Variants in ANKRD44 observed in about 807,000 individuals in gnomAD.
The protein encoded by ANKRD44 is serine/threonine-protein phosphatase 6 regulatory ankyrin repeat subunit B.
Under a neutral mutation model 116.0 loss-of-function variants are expected in ANKRD44, and 35 were observed. That is an observed-to-expected ratio of 0.30 (90% CI 0.23 to 0.40). The LOEUF (loss-of-function observed/expected upper bound fraction) is 0.40. Ranked by LOEUF, ANKRD44 falls within the 10% of genes least tolerant of loss-of-function variation. The pLI is 1.00. For synonymous variants in ANKRD44, 435 were observed against 461.8 expected (o/e 0.94, Z 0.74); for missense variants, 1,014 against 1,242.6 (o/e 0.82, Z 2.77).
intron 6 of ANKRD44, 77 bp downstream of exon 6, chr2:197,125,304 T>C: frequency 7.5e-7 from 1 of 1,335,636 alleles, no homozygotes. Flanking sequence ...GGAGAAAACC[T>C]ACATGGTCAA....
chr2:197,178,333 T>G (rs1192856214), intron 2 of ANKRD44, among the ~76,000 whole-genome samples: 1 of 152,028 alleles, frequency 6.6e-6, no homozygotes, highest in African/African-American at 2.4e-5. Context: ...TAGCAGGGCA[T>G]GGTGGCACAC....
At chr2:197,293,476 A>T (rs1398875622) in intron 1 of ANKRD44, among the ~76,000 whole-genome samples, 1 of 152,252 alleles carries the variant, frequency 6.6e-6, no homozygotes, top group Non-Finnish European at 1.5e-5. Flanking sequence ...GGAAAATGAA[A>T]GAGTTCATTA....
At chr2:196,968,744 G>A (rs2075693460) in intron 21 of ANKRD44, among the ~76,000 whole-genome samples, 1 of 152,104 alleles carries the variant, frequency 6.6e-6, no homozygotes, top group Non-Finnish European at 1.5e-5. Flanking sequence ...TTAAGCCTTT[G>A]CCTTGTCTTT....
At chr2:197,052,660 G>T (rs1260264527) in intron 16 of ANKRD44, among the ~76,000 whole-genome samples, 5 of 152,096 alleles carry the variant, frequency 3.3e-5, no homozygotes. Flanking sequence ...AATAATACGG[G>T]AAGTAAAGAC....
intron 16 of ANKRD44, among the ~76,000 whole-genome samples, chr2:197,060,976 C>G (rs1037857693): frequency 6.6e-6 from 1 of 152,196 alleles, no homozygotes; most frequent in African/African-American, 2.4e-5. Flanking sequence ...GTGAATAGTG[C>G]TGCAGTGAAC....
rs1370634599 is a variant in ANKRD44 at position 197,310,618 on chromosome 2, C to A, written c.-14G>T. The stretch of plus-strand genomic sequence containing the variant: ...GAGCACTGCCATTCTTCCGCTCCTT[C>A]GCGCGCACACACATGCAGGTCCCCG... On this transcript the variant is annotated 5_prime_UTR_variant, in exon 1 of 28. Coordinates refer to ENST00000282272, the MANE Select transcript of ANKRD44 (RefSeq NM_001195144.2). 7.5e-7 allele frequency: 1 copy of A among 1,331,926 alleles called. No homozygotes were observed. Among genetic ancestry groups the A allele is most frequent in the Non-Finnish European group, 9.8e-7 (1 of 1,017,234 alleles). 82.5% of individuals were successfully genotyped at this position (1,331,926 alleles called of 1,614,324 possible). A position where few individuals can be genotyped will look rare whatever the true frequency, so the allele number is the denominator to read the frequency against.
chr2:197,096,736 T>A (rs1214724853), intron 10 of ANKRD44, among the ~76,000 whole-genome samples: 1 of 152,224 alleles, frequency 6.6e-6, no homozygotes, highest in East Asian at 1.9e-4. Context: ...CCTATTTTTC[T>A]CCTCTTTAAT....
intron 15 of ANKRD44, among the ~76,000 whole-genome samples, chr2:197,079,037 C>A (rs1243962241): frequency 6.7e-6 from 1 of 150,300 alleles, no homozygotes; most frequent in African/African-American, 2.4e-5. Context: ...CTTAATATAG[C>A]CATTCTAGAA....
intron 1 of ANKRD44, among the ~76,000 whole-genome samples, chr2:197,286,847 C>T (rs1397980442): frequency 6.6e-6 from 1 of 151,996 alleles, no homozygotes; most frequent in Non-Finnish European, 1.5e-5. Context: ...CTGCTAGATC[C>T]CTTTTTAAAA....
intron 4 of ANKRD44, among the ~76,000 whole-genome samples, chr2:197,131,846 G>A (rs536388004): frequency 2.0e-5 from 3 of 152,238 alleles, no homozygotes; most frequent in South Asian, 2.1e-4. Context: ...TTCCATAAAC[G>A]TGCGTTAGAC....
intron 25 of ANKRD44, among the ~76,000 whole-genome samples, chr2:196,997,849 A>T (rs1404622580): frequency 3.3e-5 from 5 of 151,870 alleles, no homozygotes; most frequent in African/African-American, 1.2e-4. Context: ...TGTACACCAG[A>T]AAAAAGGGGG....
intron 27 of ANKRD44, 61 bp downstream of exon 27, chr2:196,993,522 C>G: frequency 7.4e-7 from 1 of 1,352,450 alleles, no homozygotes; most frequent in Non-Finnish European, 1.0e-6. Context: ...TTTCTCATTT[C>G]CTCTGGCTTC....
chr2:197,099,047 C>T (rs2078229786), intron 10 of ANKRD44, among the ~76,000 whole-genome samples: 1 of 152,070 alleles, frequency 6.6e-6, no homozygotes, highest in Non-Finnish European at 1.5e-5. Context: ...ATGGTTGCCA[C>T]CCTCTGCTGT....
chr2:197,062,776 C>T (rs778334541), intron 16 of ANKRD44, among the ~76,000 whole-genome samples: 22 of 152,214 alleles, frequency 1.4e-4, no homozygotes, highest in African/African-American at 4.3e-4. Context: ...GGGGGAGGGG[C>T]GCCTGCCATT....
intron 1 of ANKRD44, among the ~76,000 whole-genome samples, chr2:197,278,101 A>G (rs748130454): frequency 2.6e-4 from 40 of 152,072 alleles, no homozygotes; most frequent in Non-Finnish European, 5.6e-4. Flanking sequence ...CAAATTAGCT[A>G]ATAGTGAGTG....
chr2:197,205,393 G>A lies in ANKRD44; in HGVS notation c.28-18287C>T, dbSNP rs1253149552. 2.0e-5 allele frequency among the ~76,000 whole-genome samples: 3 copies of A among 152,292 alleles called. No homozygotes were observed. In the South Asian group the frequency reaches 6.2e-4, roughly 32 times the overall value. On this transcript the variant is annotated intron_variant, in intron 1 of 27. Transcript: ENST00000282272. ...ATGTACCAGAGCTCATTATGGAGCAGGCCCTGTGCTGCTTTCCTTATGTCA... is the reference window on the plus strand; with the variant it reads ...ATGTACCAGAGCTCATTATGGAGCAAGCCCTGTGCTGCTTTCCTTATGTCA...
intron 2 of ANKRD44, among the ~76,000 whole-genome samples, chr2:197,151,068 G>C (rs2079634516): frequency 6.8e-6 from 1 of 147,966 alleles, no homozygotes; most frequent in African/African-American, 2.5e-5. Context: ...TGCCTGTATA[G>C]TCTGGGAATT....
At chr2:197,163,942 A>G (rs1440522077) in intron 2 of ANKRD44, among the ~76,000 whole-genome samples, 1 of 152,182 alleles carries the variant, frequency 6.6e-6, no homozygotes, top group East Asian at 1.9e-4. Flanking sequence ...CTATTTCTTA[A>G]AAGGTGAGGG....
chr2:197,064,477 A>G (rs2077388343), intron 16 of ANKRD44, among the ~76,000 whole-genome samples: 1 of 152,236 alleles, frequency 6.6e-6, no homozygotes, highest in Non-Finnish European at 1.5e-5. Flanking sequence ...TAAATGGGCT[A>G]AATGCTCCAA....
Sources: gnomAD v4.1 joint callset for allele counts (sites outside exome capture counted in the v4.1 genomes callset) on GRCh38, gnomAD v4.1.1 for gene constraint, MANE v1.5 for transcripts, NCBI Gene and HGNC (gene_info 2026-07-23, HGNC 2026-07-21) for gene names.